GRIA1: variants seen among roughly 807,000 people sequenced by gnomAD.
GRIA1 encodes glutamate ionotropic receptor AMPA type subunit 1, also known as glutamate receptor 1.
Under a neutral mutation model 99.2 loss-of-function variants are expected in GRIA1, and 31 were observed. That is an observed-to-expected ratio of 0.31 (90% confidence interval 0.23 to 0.42). The LOEUF (loss-of-function observed/expected upper bound fraction) is 0.42. Among genes scored for constraint, GRIA1 ranks in the 10% least tolerant of loss-of-function variants. The probability of loss-of-function intolerance (pLI) is 1.00; values close to 1 mark genes in which losing one functional copy is unlikely to be tolerated. For synonymous variants in GRIA1, 438 were observed against 432.4 expected, an observed-to-expected ratio of 1.01 and a Z score of -0.16; for missense variants, 782 against 1,157.5, an observed-to-expected ratio of 0.68 and a Z score of 4.71.
chr5:153,725,525 C>A, intron 11 of GRIA1, among the ~76,000 whole-genome samples: 1 of 109,960 alleles, frequency 9.1e-6, no homozygotes, highest in African/African-American at 3.6e-5. Context: ...CACACATAGG[C>A]TCAAAATAAA....
intron 5 of GRIA1, among the ~76,000 whole-genome samples, chr5:153,673,779 A>G (rs10040991): frequency 0.17 from 25,611 of 152,168 alleles, 2,310 homozygotes; most frequent in Non-Finnish European, 0.19. Flanking sequence ...ATTTCCTTTT[A>G]CAGTCGAAGC....
chr5:153,702,094 C>T (rs533034466), intron 10 of GRIA1, among the ~76,000 whole-genome samples: 35 of 152,342 alleles, frequency 2.3e-4, no homozygotes, highest in African/African-American at 7.5e-4. Flanking sequence ...AGAGTCAGAA[C>T]ATGCAGCTCT....
chr5:153,527,154 G>A lies in GRIA1; in HGVS notation c.220+33089G>A, dbSNP rs559640080. On this transcript the variant is annotated intron_variant, in intron 2 of 15. Transcript: ENST00000285900. ...TCTTGAGAACACAATCCTGAACTCCGCAATCTTGAATACTGAAATCGCAAA... is the reference window on the plus strand; with the variant it reads ...TCTTGAGAACACAATCCTGAACTCCACAATCTTGAATACTGAAATCGCAAA... 1.1e-4 allele frequency among the ~76,000 whole-genome samples: 17 copies of A among 152,232 alleles called. 2 individuals are homozygous for A. The South Asian group carries it at 3.3e-3, about 30-fold the overall frequency.
intron 2 of GRIA1, among the ~76,000 whole-genome samples, chr5:153,627,698 GC>G (rs1478540395): frequency 6.6e-6 from 1 of 152,100 alleles, no homozygotes; most frequent in Non-Finnish European, 1.5e-5. Flanking sequence ...AGCTGCATAT[GC>G]CCCCACCTCC....
intron 12 of GRIA1, among the ~76,000 whole-genome samples, chr5:153,767,547 T>A (rs952475368): frequency 6.6e-5 from 10 of 152,202 alleles, no homozygotes; most frequent in Non-Finnish European, 1.5e-4. Context: ...AGCCTTTCCA[T>A]CTCTGTGACT....
rs1491415058 is a variant in GRIA1 at position 153,607,068 on chromosome 5, T to TATATATATATATAA, written c.221-39859_221-39858insTATATATATATAAA. Among the ~76,000 whole-genome samples the TATATATATATATAA allele has an allele frequency of 1.1e-3, 156 of 140,422 alleles. 2 individuals are homozygous for TATATATATATATAA. The highest frequency in any genetic ancestry group is 1.4e-3 in the Non-Finnish European group (90 of 63,988). The allele number at this position is 140,422 out of a possible 152,430, so 92.1% of individuals were successfully genotyped here. ...ATATATATATATATATATATATATATAATCACAGTTTCTTTATCCACTCGT... is the reference window on the plus strand; with the variant it reads ...ATATATATATATATATATATATATATATATATATATATAAAATCACAGTTTCTTTATCCACTCGT... On this transcript the variant is annotated intron_variant, in intron 2 of 15. Transcript: ENST00000285900.
At chr5:153,563,066 CT>C (rs1224010331) in intron 2 of GRIA1, among the ~76,000 whole-genome samples, 2 of 151,282 alleles carry the variant, frequency 1.3e-5, no homozygotes, top group African/African-American at 4.9e-5. Context: ...ATCCCAGCTC[CT>C]TGGGAGGCTG....
intron 2 of GRIA1, among the ~76,000 whole-genome samples, chr5:153,532,433 C>T (rs528939384): frequency 5.9e-5 from 9 of 152,190 alleles, no homozygotes; most frequent in Non-Finnish European, 1.2e-4. Flanking sequence ...GCTATATCCC[C>T]AGTACCTAGC....
chr5:153,799,060 G>A (rs1765827709), intron 14 of GRIA1, among the ~76,000 whole-genome samples: 1 of 141,454 alleles, frequency 7.1e-6, no homozygotes, highest in Admixed American at 6.9e-5. Context: ...CTCCTGGCGG[G>A]AGGTGAATTG....
chr5:153,749,688 C>T (rs1762385871), intron 11 of GRIA1, among the ~76,000 whole-genome samples: 1 of 152,136 alleles, frequency 6.6e-6, no homozygotes, highest in Non-Finnish European at 1.5e-5. Flanking sequence ...ACCTCCAACA[C>T]TGGGGATCAA....
rs1195290839 is a variant in GRIA1, at chr5:153,655,858, A to C, written c.685A>C (p.Ile229Leu). ...LEKNGIGYHY[I>L]LANLGFMDID... ...GAAGAATGGCATCGGCTACCACTAC[A>C]TTCTTGCAAATCTGGTGAGTAGAGC... Residue 229 changes from isoleucine (I) to leucine (L), a missense_variant, in exon 5 of 16, where the codon ATT (isoleucine) becomes CTT (leucine). Ile to Leu is a conservative substitution (Grantham distance 5, BLOSUM62 2). This residue lies in a region of GRIA1 where 461 missense variants were observed against 521.7 expected (regional missense o/e 0.88). Coordinates refer to ENST00000285900, the MANE Select transcript of GRIA1 (RefSeq NM_000827.4). 1 of 1,613,412 alleles carries C rather than the reference A, an allele frequency of 6.2e-7. No individual in the cohort carries two copies. Among genetic ancestry groups the C allele is most frequent in the South Asian group, 1.1e-5 (1 of 91,068 alleles).
At chr5:153,736,655 C>T (rs528179822) in intron 11 of GRIA1, among the ~76,000 whole-genome samples, 2 of 152,196 alleles carry the variant, frequency 1.3e-5, no homozygotes, top group Non-Finnish European at 2.9e-5. Flanking sequence ...AATGCTTTAA[C>T]TTTGAGAGAT....
At chr5:153,704,856 T>C (rs938268501) in intron 10 of GRIA1, among the ~76,000 whole-genome samples, 36 of 152,208 alleles carry the variant, frequency 2.4e-4, no homozygotes, top group African/African-American at 8.7e-4. Context: ...CCTTGTAGAT[T>C]GGAAAATTGT....
intron 2 of GRIA1, among the ~76,000 whole-genome samples, chr5:153,611,776 T>C (rs541270411): frequency 6.6e-6 from 1 of 152,346 alleles, no homozygotes; most frequent in South Asian, 2.1e-4. Flanking sequence ...TGCTTTTCAG[T>C]GGACAAAGTT....
intron 11 of GRIA1, among the ~76,000 whole-genome samples, chr5:153,722,814 G>T (rs951572395): frequency 6.6e-6 from 1 of 152,190 alleles, no homozygotes; most frequent in Non-Finnish European, 1.5e-5. Flanking sequence ...ACGAGAAAAT[G>T]TCTGCAGTGT....
intron 11 of GRIA1, among the ~76,000 whole-genome samples, chr5:153,727,589 AT>A (rs1481165713): frequency 6.6e-6 from 1 of 152,326 alleles, no homozygotes; most frequent in East Asian, 1.9e-4. Flanking sequence ...TTATACACCA[AT>A]AACAGGCAAA....
chr5:153,784,797 T>C (rs951794039), intron 13 of GRIA1, among the ~76,000 whole-genome samples: 1 of 152,180 alleles, frequency 6.6e-6, no homozygotes, highest in African/African-American at 2.4e-5. Context: ...AGTGATGTCA[T>C]AGACTGAACT....
intron 2 of GRIA1, among the ~76,000 whole-genome samples, chr5:153,569,854 AT>A (rs1333091075): frequency 6.6e-6 from 1 of 152,158 alleles, no homozygotes; most frequent in Non-Finnish European, 1.5e-5. Context: ...CATCATTCTC[AT>A]TTTACAACTG....
intron 2 of GRIA1, among the ~76,000 whole-genome samples, chr5:153,563,309 C>T (rs12520266): frequency 0.097 from 14,731 of 152,180 alleles, 790 homozygotes; most frequent in South Asian, 0.19. Flanking sequence ...TTCCAGCCCA[C>T]GAGCCCCACG....
Sources: allele counts gnomAD v4.1 joint callset (sites outside exome capture counted in the v4.1 genomes callset), GRCh38; gene constraint gnomAD v4.1.1; regional missense constraint gnomAD v4.1.1; transcripts MANE v1.5; gene names NCBI Gene and HGNC (gene_info 2026-07-23, HGNC 2026-07-21).